The following MTSS1 variants were observed in gnomAD, a reference collection of about 807,000 sequenced individuals.
The protein encoded by MTSS1 is MTSS I-BAR domain containing 1.
Under a neutral mutation model 79.0 loss-of-function variants are expected in MTSS1, and 18 were observed. The observed-to-expected ratio is 0.23, with a 90% CI of 0.16 to 0.34. The LOEUF (loss-of-function observed/expected upper bound fraction) is 0.34. Ranked by LOEUF, MTSS1 falls within the 10% of genes least tolerant of loss-of-function variation. The pLI is 1.00. For missense variants in MTSS1, 815 were observed against 986.2 expected (o/e 0.83, Z 2.33); for synonymous variants, 341 against 368.6 (o/e 0.93, Z 0.86).
At chr8:124,664,076 T>C (rs1822597686) in intron 3 of MTSS1, among the ~76,000 whole-genome samples, 2 of 152,122 alleles carry the variant, frequency 1.3e-5, no homozygotes, top group Admixed American at 1.3e-4. Flanking sequence ...GAGAAGCAGG[T>C]GAGGTCCAGG....
chr8:124,555,402 C>A (rs907732534), intron 13 of MTSS1, among the ~76,000 whole-genome samples: 2 of 152,146 alleles, frequency 1.3e-5, no homozygotes, highest in Non-Finnish European at 2.9e-5. Context: ...CCTGCCACCA[C>A]GCCCGGCTAA....
intron 2 of MTSS1, among the ~76,000 whole-genome samples, chr8:124,700,918 A>G (rs1829608920): frequency 6.6e-6 from 1 of 152,210 alleles, no homozygotes; most frequent in Non-Finnish European, 1.5e-5. Flanking sequence ...AGGACTAGAA[A>G]GGGAAGATTT....
intron 3 of MTSS1, among the ~76,000 whole-genome samples, chr8:124,670,646 A>G (rs1823982328): frequency 2.0e-5 from 3 of 152,212 alleles, no homozygotes; most frequent in Non-Finnish European, 2.9e-5. Context: ...ACAGCACCCT[A>G]GGGCTTACCA....
intron 3 of MTSS1, among the ~76,000 whole-genome samples, chr8:124,664,419 C>A (rs562223208): frequency 1.8e-4 from 28 of 152,348 alleles, no homozygotes; most frequent in African/African-American, 6.7e-4. Context: ...CCCAAGCATT[C>A]TAGTCTGAAC....
chr8:124,583,510 G>C (rs1830387506), intron 6 of MTSS1, among the ~76,000 whole-genome samples: 1 of 152,198 alleles, frequency 6.6e-6, no homozygotes, highest in South Asian at 2.1e-4. Flanking sequence ...CAGTGACTTT[G>C]AGTGACAGAG....
chr8:124,627,565 C>G (rs1467748559), intron 3 of MTSS1, among the ~76,000 whole-genome samples: 1 of 152,212 alleles, frequency 6.6e-6, no homozygotes, highest in Non-Finnish European at 1.5e-5. Flanking sequence ...GCCAAGGAGA[C>G]AGAGACAATA....
intron 8 of MTSS1, 70 bp from the exon 9 acceptor site, chr8:124,565,829 T>A (rs1375878930): frequency 4.6e-6 from 6 of 1,301,410 alleles, no homozygotes; most frequent in African/African-American, 1.5e-5. Context: ...AAGCTTAACA[T>A]CCACCAAAGC....
chr8:124,675,816 G>C (rs1392471666), intron 3 of MTSS1, among the ~76,000 whole-genome samples: 2 of 152,216 alleles, frequency 1.3e-5, no homozygotes, highest in African/African-American at 4.8e-5. Context: ...TGTAGCATCT[G>C]CACTTCGTCC....
chr8:124,600,927 G>A (rs1176713327), intron 3 of MTSS1, among the ~76,000 whole-genome samples: 1 of 152,150 alleles, frequency 6.6e-6, no homozygotes, highest in Non-Finnish European at 1.5e-5. Context: ...GAAAGCTGGG[G>A]GACCGGGAGG....
chr8:124,699,242 C>CATGTGAAG, intron 3 of MTSS1: 1 of 378,338 alleles, frequency 2.6e-6, no homozygotes, highest in Admixed American at 4.5e-5. Flanking sequence ...CAAGGTTCAA[C>CATGTGAAG]AACCAGCACG....
In MTSS1 at chr8:124,652,135, G is replaced by A. The variant is rs895893513; in HGVS notation, c.208+47391C>T. Reference sequence around the variant, plus strand: ...GCTGTTTAATAATTGGATGGGACTCGGTAAACATTTATTCCAACTTCTTAG... The same window carrying A: ...GCTGTTTAATAATTGGATGGGACTCAGTAAACATTTATTCCAACTTCTTAG... On this transcript the variant is annotated intron_variant, in intron 3 of 13. Transcript: ENST00000518547. 3.9e-5 allele frequency among the ~76,000 whole-genome samples: 6 copies of A among 152,202 alleles called. No homozygotes were observed. In the East Asian group the frequency reaches 7.7e-4, roughly 20 times the overall value.
At chr8:124,613,083 G>C (rs568243827) in intron 3 of MTSS1, among the ~76,000 whole-genome samples, 3 of 152,096 alleles carry the variant, frequency 2.0e-5, no homozygotes, top group African/African-American at 7.2e-5. Context: ...ACACTCAGCC[G>C]CCCGAGGACC....
In MTSS1 at chr8:124,625,839, T is replaced by G. The variant is rs1814559065; in HGVS notation, c.209-34604A>C. Among the ~76,000 whole-genome samples the G allele has an allele frequency of 2.6e-5, 4 of 152,174 alleles. No individual in the cohort carries two copies. The South Asian group carries it at 8.3e-4, about 32-fold the overall frequency. ...CACATCCATTTTCATGAGCAAACCCTCATCCACAACACTGTTTTCATCCAA... is the reference window on the plus strand; with the variant it reads ...CACATCCATTTTCATGAGCAAACCCGCATCCACAACACTGTTTTCATCCAA... On this transcript the variant is annotated intron_variant, in intron 3 of 13. Coordinates refer to ENST00000518547, the MANE Select transcript of MTSS1 (RefSeq NM_014751.6).
At chr8:124,606,989 A>C (rs1834992794) in intron 3 of MTSS1, among the ~76,000 whole-genome samples, 1 of 152,182 alleles carries the variant, frequency 6.6e-6, no homozygotes, top group South Asian at 2.1e-4. Context: ...TCTTCAGGAC[A>C]GCTTCCCAGG....
intron 3 of MTSS1, among the ~76,000 whole-genome samples, chr8:124,633,926 T>C (rs1816506681): frequency 6.6e-6 from 1 of 152,106 alleles, no homozygotes. Context: ...CAGGTAGAAT[T>C]AGCCTCCAAA....
chr8:124,645,066 G>A (rs1406392331), intron 3 of MTSS1, among the ~76,000 whole-genome samples: 2 of 152,086 alleles, frequency 1.3e-5, no homozygotes, highest in African/African-American at 4.8e-5. Flanking sequence ...TCAAAATAGT[G>A]CATCAAAAAT....
rs547653321 is a variant in MTSS1 at position 124,679,922 on chromosome 8, G to A, written c.208+19604C>T. 2.6e-5 allele frequency among the ~76,000 whole-genome samples: 4 copies of A among 152,274 alleles called. No individual in the cohort carries two copies. The South Asian group carries it at 8.3e-4, about 32-fold the overall frequency. On this transcript the variant is annotated intron_variant, in intron 3 of 13. Coordinates refer to ENST00000518547, the MANE Select transcript of MTSS1 (RefSeq NM_014751.6). ...TACCCTCAAATGGAATTATTCTCAT[G>A]TACCCACTATTTTGGGATTTAATTA... is the stretch of plus-strand genomic sequence containing the variant.
chr8:124,615,081 G>A (rs922385512), intron 3 of MTSS1, among the ~76,000 whole-genome samples: 5 of 152,188 alleles, frequency 3.3e-5, no homozygotes, highest in Admixed American at 1.3e-4. Context: ...GTGCAAAAAA[G>A]GCCTGGCAGT....
chr8:124,632,592 T>C (rs1362863591), intron 3 of MTSS1, among the ~76,000 whole-genome samples: 1 of 152,220 alleles, frequency 6.6e-6, no homozygotes, highest in Non-Finnish European at 1.5e-5. Flanking sequence ...ATCAATGGCC[T>C]CAATAATTGT....
Sources: allele counts gnomAD v4.1 joint callset (sites outside exome capture counted in the v4.1 genomes callset), GRCh38; gene constraint gnomAD v4.1.1; transcripts MANE v1.5; gene names NCBI Gene and HGNC (gene_info 2026-07-23, HGNC 2026-07-21).